ATRNL1: variants seen among roughly 807,000 people sequenced by gnomAD.
The protein encoded by ATRNL1 is attractin like 1, also known as attractin-like protein 1.
In ATRNL1, 95 loss-of-function variants were observed where a neutral mutation model predicts 182.7. That is an observed-to-expected ratio of 0.52 (90% CI 0.44 to 0.62). ATRNL1 has a LOEUF of 0.62. ATRNL1 is among the 20% of genes least tolerant of loss of function. The pLI is 0.00. For missense variants in ATRNL1, 1,471 were observed against 1,679.5 expected, an observed-to-expected ratio of 0.88 and a Z score of 2.17; for synonymous variants, 576 against 568.3, an observed-to-expected ratio of 1.01 and a Z score of -0.19.
intron 26 of ATRNL1, among the ~76,000 whole-genome samples, chr10:115,609,082 A>C (rs929011253): frequency 1.3e-5 from 2 of 148,650 alleles, no homozygotes; most frequent in Admixed American, 6.6e-5. Flanking sequence ...TGAAATGTTT[A>C]TCTATTTTTA....
intron 27 of ATRNL1, among the ~76,000 whole-genome samples, chr10:115,760,554 A>G (rs762855262): frequency 2.0e-5 from 3 of 152,176 alleles, no homozygotes; most frequent in Non-Finnish European, 2.9e-5. Context: ...CCCTGATTGA[A>G]AGATAAATAT....
intron 9 of ATRNL1, among the ~76,000 whole-genome samples, chr10:115,230,805 C>T (rs1048697323): frequency 1.4e-5 from 2 of 138,306 alleles, no homozygotes; most frequent in Admixed American, 1.5e-4. Flanking sequence ...GGTTGGATTC[C>T]GAATATATTT....
chr10:115,757,050 G>A (rs1948609918), intron 27 of ATRNL1, among the ~76,000 whole-genome samples: 1 of 151,834 alleles, frequency 6.6e-6, no homozygotes, highest in Admixed American at 6.6e-5. Flanking sequence ...GCCTATGTGT[G>A]TCCCTACACA....
chr10:115,603,196 C>A (rs1409183901), intron 26 of ATRNL1, among the ~76,000 whole-genome samples: 2 of 151,798 alleles, frequency 1.3e-5, no homozygotes, highest in East Asian at 3.9e-4. Flanking sequence ...GTTCCCCTCC[C>A]TGGAGGACAG....
At chr10:115,519,507 G>A (rs1850809826) in intron 25 of ATRNL1, among the ~76,000 whole-genome samples, 183 bp downstream of exon 25, 1 of 152,072 alleles carries the variant, frequency 6.6e-6, no homozygotes, top group African/African-American at 2.4e-5. Flanking sequence ...ATGTACTTGT[G>A]CAAGATTATT....
chr10:115,851,759 A>G (rs1555100575), intron 28 of ATRNL1, among the ~76,000 whole-genome samples: 1 of 152,138 alleles, frequency 6.6e-6, no homozygotes, highest in African/African-American at 2.4e-5. Flanking sequence ...CAGCCACTGC[A>G]ATCCGTGCCA....
chr10:115,771,508 G>A (rs367981302), intron 27 of ATRNL1, among the ~76,000 whole-genome samples: 98 of 152,298 alleles, frequency 6.4e-4, no homozygotes, highest in African/African-American at 2.3e-3. Flanking sequence ...GGGATTACAG[G>A]CGTGAGCCAC....
chr10:115,590,610 A>G (rs1855843043), intron 26 of ATRNL1, among the ~76,000 whole-genome samples: 1 of 152,108 alleles, frequency 6.6e-6, no homozygotes, highest in African/African-American at 2.4e-5. Context: ...TTCCTTTTGT[A>G]TATAAAATAT....
chr10:115,318,683 G>A (rs1000406413), intron 18 of ATRNL1, among the ~76,000 whole-genome samples: 1 of 152,046 alleles, frequency 6.6e-6, no homozygotes, highest in Non-Finnish European at 1.5e-5. Flanking sequence ...TTGCATAGGG[G>A]TGTTTATAGT....
chr10:115,674,865 T>C lies in ATRNL1; in HGVS notation c.3796-52383T>C, dbSNP rs1945811337. Among the ~76,000 whole-genome samples, 3 of 152,076 alleles carry C rather than the reference T, an allele frequency of 2.0e-5. No individual in the cohort carries two copies. In the South Asian group the frequency reaches 6.2e-4, roughly 32 times the overall value. Reference sequence around the variant, plus strand: ...CATAAAATGACATAAATTATCTCTGTTCATAAAAATTCAACCCAGCCTTTA... The same window carrying C: ...CATAAAATGACATAAATTATCTCTGCTCATAAAAATTCAACCCAGCCTTTA... On this transcript the variant is annotated intron_variant, in intron 26 of 28. Transcript: ENST00000355044.
intron 24 of ATRNL1, among the ~76,000 whole-genome samples, chr10:115,490,705 C>T (rs533764795): frequency 6.6e-6 from 1 of 152,148 alleles, no homozygotes; most frequent in Admixed American, 6.5e-5. Context: ...TTAGTTATTA[C>T]CCACCTTCTA....
At chr10:115,496,139 C>T (rs1182934584) in intron 24 of ATRNL1, among the ~76,000 whole-genome samples, 2 of 152,042 alleles carry the variant, frequency 1.3e-5, no homozygotes, top group African/African-American at 4.8e-5. Context: ...TAATAGCAAC[C>T]CTTGCTGTTT....
intron 28 of ATRNL1, among the ~76,000 whole-genome samples, chr10:115,939,256 C>T (rs1382459752): frequency 6.6e-6 from 1 of 152,170 alleles, no homozygotes; most frequent in Non-Finnish European, 1.5e-5. Flanking sequence ...GAGCCTGTTT[C>T]CTTTAGGGCT....
Position 115,561,702 on chromosome 10 carries a change from TGG to T in ATRNL1, c.3795+12168_3795+12169del, listed in dbSNP as rs782237894. Among the ~76,000 whole-genome samples the T allele has an allele frequency of 1.3e-3, 122 of 95,664 alleles. 1 individual carries two copies. Among genetic ancestry groups the T allele is most frequent in the Admixed American group, 4.5e-3 (39 of 8,732 alleles). The allele number at this position is 95,664 out of a possible 152,430, so 62.8% of individuals were successfully genotyped here. A position where few individuals can be genotyped will look rare whatever the true frequency, so the allele number is the denominator to read the frequency against. ...GTGTGTGTGTGTGGGTGTGTGTGTG[TGG>T]GTGTGTGTGTGTGTGTGTGTTTGTG... On this transcript the variant is annotated intron_variant, in intron 26 of 28. Transcript: ENST00000355044.
In ATRNL1 at chr10:115,659,618, T is replaced by C. The variant is rs147039978; in HGVS notation, c.3796-67630T>C. 6.1e-3 allele frequency among the ~76,000 whole-genome samples: 933 copies of C among 152,236 alleles called. 9 individuals carry two copies. Among genetic ancestry groups the C allele is most frequent in the African/African-American group, 0.021 (890 of 41,552 alleles). ...ACAGTTATTTATGCAGTTATTGTAA[T>C]GCAGTTATTTAATGTAATGAGTCCT... On this transcript the variant is annotated intron_variant, in intron 26 of 28. Transcript: ENST00000355044.
At chr10:115,133,172 C>G (rs1333706401) in intron 5 of ATRNL1, among the ~76,000 whole-genome samples, 2 of 152,146 alleles carry the variant, frequency 1.3e-5, no homozygotes, top group Non-Finnish European at 2.9e-5. Flanking sequence ...TTCCCAGAAC[C>G]ATTTATTAAA....
intron 26 of ATRNL1, among the ~76,000 whole-genome samples, chr10:115,617,613 C>T (rs1592954631): frequency 1.3e-5 from 2 of 152,282 alleles, no homozygotes; most frequent in Non-Finnish European, 2.9e-5. Flanking sequence ...CTGCCTCAGC[C>T]TCCCAAGGTG....
At chr10:115,791,995 A>C (rs1320887594) in intron 27 of ATRNL1, among the ~76,000 whole-genome samples, 2 of 152,152 alleles carry the variant, frequency 1.3e-5, no homozygotes, top group African/African-American at 2.4e-5. Context: ...CTCTGGTACA[A>C]TCCTCAGAGT....
chr10:115,461,283 CTT>C (rs146284014), intron 21 of ATRNL1, among the ~76,000 whole-genome samples: 2,787 of 152,134 alleles, frequency 0.018, 49 homozygotes, highest in Non-Finnish European at 0.029. Context: ...CCACTCATGA[CTT>C]ATGACATTTA....
Sources: allele counts gnomAD v4.1 joint callset (sites outside exome capture counted in the v4.1 genomes callset), GRCh38; gene constraint gnomAD v4.1.1; transcripts MANE v1.5; gene names NCBI Gene and HGNC (gene_info 2026-07-23, HGNC 2026-07-21).